TTC16: variants seen among roughly 807,000 people sequenced by gnomAD.
TTC16 encodes the protein tetratricopeptide repeat protein 16.
A neutral mutation model predicts 80.4 loss-of-function variants in TTC16; 66 were observed. The observed-to-expected ratio is 0.82, with a 90% CI of 0.67 to 1.01. The LOEUF is 1.01. Among genes scored for constraint, TTC16 ranks in the 50% least tolerant of loss-of-function variants. The pLI is 0.00. For missense variants in TTC16, 1,070 were observed against 1,103.2 expected (o/e 0.97, Z 0.43); for synonymous variants, 438 against 451.3 (o/e 0.97, Z 0.37).
intron 12 of TTC16, 89 bp downstream of exon 12, chr9:127,727,554 A>T: frequency 6.8e-7 from 1 of 1,478,108 alleles, no homozygotes; most frequent in African/African-American, 1.4e-5. Context: ...AGGCCAGTGG[A>T]GTCTGGCTTC....
intron 4 of TTC16, among the ~76,000 whole-genome samples, 178 bp from the exon 5 acceptor site, chr9:127,719,900 A>C (rs1484660366): frequency 6.6e-6 from 1 of 151,982 alleles, no homozygotes; most frequent in African/African-American, 2.4e-5. Flanking sequence ...CTTTCCCCAG[A>C]TCTGTATCTC....
chr9:127,717,637 C>CT lies in TTC16; in HGVS notation c.292dup (p.Tyr98LeufsTer6). ...GGTCCCCTCACCCTCAGGTGGACTTCTATGCCTTACGGGCTGAGGCCTACC... is the reference window on the plus strand; with the variant it reads ...GGTCCCCTCACCCTCAGGTGGACTTCTTATGCCTTACGGGCTGAGGCCTACC... On this transcript the variant is annotated frameshift_variant, in exon 4 of 14. Coordinates refer to ENST00000373289, the MANE Select transcript of TTC16 (RefSeq NM_144965.3). LOFTEE classifies it high-confidence loss of function. 6.2e-7 allele frequency: 1 copy of CT among 1,613,922 alleles called. No homozygotes were observed.
At chr9:127,727,244 A>G in intron 11 of TTC16, 26 bp from the exon 12 acceptor site, 1 of 1,538,600 alleles carries the variant, frequency 6.5e-7, no homozygotes. Flanking sequence ...GGAGACTGAC[A>G]ATACCTGGGG....
At chr9:127,716,716 C>G in intron 1 of TTC16, 128 bp from the exon 2 acceptor site, 1 of 1,277,488 alleles carries the variant, frequency 7.8e-7, no homozygotes, top group Non-Finnish European at 1.1e-6. Flanking sequence ...ACCGGAACCC[C>G]GAGTGGGAGT....
At position 127,717,611 on chromosome 9, in the gene TTC16, G is replaced by A. The variant is rs1843149605; in HGVS notation, c.283-18G>A. ...GATGGTGGGGAGGATCTAGCAGCCTGGGTCCCCTCACCCTCAGGTGGACTT... is the reference window on the plus strand; with the variant it reads ...GATGGTGGGGAGGATCTAGCAGCCTAGGTCCCCTCACCCTCAGGTGGACTT... On this transcript the variant is annotated intron_variant, in intron 3 of 13. Coordinates refer to ENST00000373289, the MANE Select transcript of TTC16 (RefSeq NM_144965.3). 6.2e-7 allele frequency: 1 copy of A among 1,612,088 alleles called. No homozygotes were observed. The highest frequency in any genetic ancestry group is 8.5e-7 in the Non-Finnish European group (1 of 1,178,984).
At chr9:127,716,255 G>A in intron 1 of TTC16, 92 bp downstream of exon 1, 2 of 1,571,064 alleles carry the variant, frequency 1.3e-6, no homozygotes, top group Non-Finnish European at 1.8e-6. Flanking sequence ...GCCGGGAGAG[G>A]CAGGGGCAGC....
chr9:127,724,654 G>A (rs1369035567), intron 8 of TTC16, 102 bp from the exon 9 acceptor site: 3 of 1,460,642 alleles, frequency 2.1e-6, no homozygotes, highest in Non-Finnish European at 2.7e-6. Context: ...GGGGTTATCA[G>A]CCACCAGTTT....
chr9:127,717,012 G>A lies in TTC16; in HGVS notation c.187G>A (p.Glu63Lys), dbSNP rs760936315. The A allele has an allele frequency of 1.9e-6, 3 of 1,612,026 alleles. No homozygotes were observed. The highest frequency in any genetic ancestry group is 1.7e-6 in the Non-Finnish European group (2 of 1,178,290). Residue 63 changes from glutamate (E) to lysine (K), a missense_variant, in exon 2 of 14, where the codon GAA becomes AAA. Physicochemically the swap from Glu to Lys is moderately conservative, Grantham distance 56 (BLOSUM62 1). Coordinates refer to ENST00000373289, the MANE Select transcript of TTC16 (RefSeq NM_144965.3). Reference protein sequence around the residue: ...TGLTVPLKVREYYSRGQQCLE... With the variant: ...TGLTVPLKVRKYYSRGQQCLE... ...GTTAACAGTGCCCCTCAAAGTCAGGGAATAGTGAGTGACTACCTTGCTTTG... is the reference window on the plus strand; with the variant it reads ...GTTAACAGTGCCCCTCAAAGTCAGGAAATAGTGAGTGACTACCTTGCTTTG...
rs1843354772 is a variant in TTC16, at chr9:127,720,395, G to A, written c.657G>A (p.Lys219=). Residue 219 remains lysine (K), a splice_region_variant and synonymous_variant, in exon 6 of 14, where the codon AAG becomes AAA. Coordinates refer to ENST00000373289, the MANE Select transcript of TTC16 (RefSeq NM_144965.3). The stretch of plus-strand genomic sequence containing the variant: ...CCAGACTCTACAACTTTCTCCAGAA[G>A]GTACAGTGGGGAGGGCGGGCAGGGG... ...FRARLYNFLQ[K]PHLCYRDLHS... 2 of 1,612,304 alleles carry A rather than the reference G, an allele frequency of 1.2e-6. No individual in the cohort carries two copies. Among genetic ancestry groups the A allele is most frequent in the Non-Finnish European group, 1.7e-6 (2 of 1,179,610 alleles).
At chr9:127,726,168 G>A in intron 9 of TTC16, 71 bp from the exon 10 acceptor site, 1 of 1,406,676 alleles carries the variant, frequency 7.1e-7, no homozygotes, top group East Asian at 2.5e-5. Flanking sequence ...TCCTCAGTGG[G>A]GCCCAGTAGC....
rs1355401845 is a variant in TTC16, at chr9:127,726,334, T to C, written c.1355T>C (p.Leu452Pro). 1 of 1,612,130 alleles carries C rather than the reference T, an allele frequency of 6.2e-7. No individual in the cohort carries two copies. Among genetic ancestry groups the C allele is most frequent in the Non-Finnish European group, 8.5e-7 (1 of 1,179,384 alleles). The change falls in exon 10 of 14, where the codon CTG (leucine) becomes CCG (proline). Residue 452 changes from leucine (L) to proline (P), a missense_variant. Physicochemically the swap from Leu to Pro is moderately conservative, Grantham distance 98. Transcript: ENST00000373289. ...CTGTACCGGGCCAAGAGCCGGCAGC[T>C]GCTGCAGAACATTTTTGGGGCCCGC... ...YYLYRAKSRQ[L>P]LQNIFGARQD...
chr9:127,718,271 A>G lies in TTC16; in HGVS notation c.426+499A>G, dbSNP rs1468175814. ...CCTGGCTAATTTTTTGTATTTTAGT[A>G]GAGACAGGGTTTTACTTTGTTGCCC... is the stretch of plus-strand genomic sequence containing the variant. On this transcript the variant is annotated intron_variant, in intron 4 of 13. Transcript: ENST00000373289. The surrounding 1 kb of genome is among the most constrained non-coding windows in gnomAD (Gnocchi z 4.6). 6.6e-6 allele frequency among the ~76,000 whole-genome samples: 1 copy of G among 152,104 alleles called. No individual in the cohort carries two copies. The highest frequency in any genetic ancestry group is 2.4e-5 in the African/African-American group (1 of 41,398).
Position 127,718,350 on chromosome 9 carries a change from C to T in TTC16, c.426+578C>T, listed in dbSNP as rs1032493954. On this transcript the variant is annotated intron_variant, in intron 4 of 13. Coordinates refer to ENST00000373289, the MANE Select transcript of TTC16 (RefSeq NM_144965.3). The surrounding 1 kb of genome is among the most constrained non-coding windows in gnomAD (Gnocchi z 4.6). Reference sequence around the variant, plus strand: ...CAATCCACCCACCTCGGCCTCCCAACGTGCTAGGATTACAGATGTGAGCCA... The same window carrying T: ...CAATCCACCCACCTCGGCCTCCCAATGTGCTAGGATTACAGATGTGAGCCA... 1.3e-5 allele frequency among the ~76,000 whole-genome samples: 2 copies of T among 151,922 alleles called. No individual in the cohort carries two copies. The highest frequency in any genetic ancestry group is 6.5e-5 in the Admixed American group (1 of 15,268).
Position 127,724,841 on chromosome 9 carries a change from C to T in TTC16, c.1203C>T (p.Ala401=), listed in dbSNP as rs1843797513. 1 of 1,598,442 alleles carries T rather than the reference C, an allele frequency of 6.3e-7. No individual in the cohort carries two copies. The highest frequency in any genetic ancestry group is 1.1e-5 in the South Asian group (1 of 89,210). The change falls in exon 9 of 14, where the codon GCC becomes GCT. Residue 401 remains alanine (A), a synonymous_variant. Coordinates refer to ENST00000373289, the MANE Select transcript of TTC16 (RefSeq NM_144965.3). The stretch of plus-strand genomic sequence containing the variant: ...CGCTGAGCCCTCAGGACGAGGGCGC[C>T]AACACGCGCATGGGCCTGCTGCAGG... ...ALALSPQDEG[A]NTRMGLLQEK...
In TTC16 at chr9:127,723,842, G is replaced by C. The variant is rs189016207; in HGVS notation, c.873-278G>C. Among the ~76,000 whole-genome samples, 1,067 of 151,732 alleles carry C rather than the reference G, an allele frequency of 7.0e-3. 11 individuals are homozygous for C. The highest frequency in any genetic ancestry group is 0.024 in the African/African-American group (1,000 of 41,288). ...AGTGGTGGTAAAACACCTGCTTCTT[G>C]TACAAAATGCTTTAATGTAGAGACT... On this transcript the variant is annotated intron_variant, in intron 7 of 13. Coordinates refer to ENST00000373289, the MANE Select transcript of TTC16 (RefSeq NM_144965.3).
intron 4 of TTC16, 107 bp downstream of exon 4, chr9:127,717,879 G>GTGTC: frequency 7.1e-7 from 1 of 1,405,326 alleles, no homozygotes. Context: ...CCTTGTCCCT[G>GTGTC]TGTCTGGGTC....
At chr9:127,730,081 C>T (rs1321142313) in intron 13 of TTC16, 7 of 219,868 alleles carry the variant, frequency 3.2e-5, no homozygotes, top group Non-Finnish European at 3.7e-5. Flanking sequence ...GGCCCAGGCC[C>T]CTTCTTCATT....
chr9:127,727,245 A>G (rs1165971486), intron 11 of TTC16, 25 bp from the exon 12 acceptor site: 5 of 1,538,932 alleles, frequency 3.2e-6, no homozygotes. Context: ...GAGACTGACA[A>G]TACCTGGGGG....
chr9:127,725,694 G>A (rs1006020963), intron 9 of TTC16, among the ~76,000 whole-genome samples: 5 of 151,676 alleles, frequency 3.3e-5, no homozygotes, highest in African/African-American at 1.2e-4. Context: ...CCACCTCCCG[G>A]GTTCAAGCAA....
Sources: allele counts gnomAD v4.1 joint callset (sites outside exome capture counted in the v4.1 genomes callset), GRCh38; gene constraint gnomAD v4.1.1; non-coding constraint Gnocchi (gnomAD v3.1); transcripts MANE v1.5; gene names NCBI Gene and HGNC (gene_info 2026-07-23, HGNC 2026-07-21).